Variants in CCDC14 observed in about 807,000 individuals in gnomAD.
CCDC14 encodes the protein coiled-coil domain-containing protein 14.
A neutral mutation model predicts 81.4 loss-of-function variants in CCDC14; 71 were observed. The ratio of observed to expected loss-of-function variants is 0.87; its 90% CI spans 0.72 to 1.06. The LOEUF is 1.06. Among genes scored for constraint, CCDC14 ranks in the 50% least tolerant of loss-of-function variants. The pLI is 0.00. For missense variants in CCDC14, 1,046 were observed against 1,047.3 expected, an observed-to-expected ratio of 1.00 and a Z score of 0.02; for synonymous variants, 332 against 364.8, an observed-to-expected ratio of 0.91 and a Z score of 1.03.
intron 12 of CCDC14, among the ~76,000 whole-genome samples, chr3:123,918,901 G>A (rs1252839490): frequency 2.0e-5 from 3 of 152,216 alleles, no homozygotes; most frequent in Non-Finnish European, 4.4e-5. Context: ...GTTGACAGGT[G>A]TGCCAGGGCC....
At chr3:123,910,087 T>C (rs979708887), downstream of CCDC14, among the ~76,000 whole-genome samples, 1 of 152,168 alleles carries the variant, frequency 6.6e-6, no homozygotes, top group Non-Finnish European at 1.5e-5. Flanking sequence ...AGACCACTTA[T>C]CTAGTTAGAA....
At chr3:123,912,294 C>G (rs949956016), downstream of CCDC14, among the ~76,000 whole-genome samples, 1 of 152,136 alleles carries the variant, frequency 6.6e-6, no homozygotes, top group Non-Finnish European at 1.5e-5. Flanking sequence ...GATCTGGGAC[C>G]AGCCTGACCC....
chr3:123,938,447 T>G (rs1427733302), intron 9 of CCDC14, among the ~76,000 whole-genome samples: 1 of 151,968 alleles, frequency 6.6e-6, no homozygotes, highest in Non-Finnish European at 1.5e-5. Context: ...ACAATTGATC[T>G]TGTATCCTGC....
At chr3:123,940,058 G>C (rs1023736606) in intron 9 of CCDC14, among the ~76,000 whole-genome samples, 2 of 151,392 alleles carry the variant, frequency 1.3e-5, no homozygotes, top group East Asian at 3.9e-4. Context: ...TTTTTTAAAG[G>C]GTTTAGGAAG....
downstream of CCDC14, among the ~76,000 whole-genome samples, chr3:123,909,212 C>G (rs2034387993): frequency 6.6e-6 from 1 of 152,056 alleles, no homozygotes; most frequent in Non-Finnish European, 1.5e-5. Context: ...TGTACCTTGG[C>G]CGTGTGCTCC....
Position 123,961,154 on chromosome 3 carries a change from C to G in CCDC14, c.20G>C (p.Arg7Pro). The change falls in exon 1 of 13, where the codon CGA (arginine) becomes CCA (proline). Residue 7 changes from arginine (R) to proline (P), a missense_variant. Physicochemically the swap from Arg to Pro is moderately radical, Grantham distance 103. Transcript: ENST00000409697. ...GTCCTCAGCCCTCACCTGGCCCGGT[C>G]GAGCTCCAGACCTGACCATCTCTCG... is the stretch of plus-strand genomic sequence containing the variant. MVRSGA[R>P]PGQVLSSGRH... The G allele has an allele frequency of 6.4e-7, 1 of 1,551,512 alleles. No individual in the cohort carries two copies. The highest frequency in any genetic ancestry group is 1.2e-5 in the South Asian group (1 of 84,036).
Position 123,956,061 on chromosome 3 carries a change from T to C in CCDC14, c.214A>G (p.Arg72Gly). ...AAAAAAAAACCTGAATCTTCATTTC[T>C]CAAAATGTCCCTCAGCAAAGAAGCA... is the stretch of plus-strand genomic sequence containing the variant. ...GCASLLRDIL[R>G]NEDSGSETAY... Residue 72 changes from arginine (R) to glycine (G), a missense_variant, in exon 4 of 13, where the codon AGA becomes GGA. Arg to Gly is a moderately radical substitution (Grantham distance 125). Coordinates refer to ENST00000409697, the MANE Select transcript of CCDC14 (RefSeq NM_001366335.1). 1 of 1,544,382 alleles carries C rather than the reference T, an allele frequency of 6.5e-7. No homozygotes were observed. Among genetic ancestry groups the C allele is most frequent in the Non-Finnish European group, 8.7e-7 (1 of 1,144,740 alleles).
At chr3:123,911,257 C>A (rs1364285760), downstream of CCDC14, among the ~76,000 whole-genome samples, 1 of 152,152 alleles carries the variant, frequency 6.6e-6, no homozygotes, top group Non-Finnish European at 1.5e-5. Context: ...TAGCTCAAGA[C>A]AACAGCTTTA....
downstream of CCDC14, among the ~76,000 whole-genome samples, chr3:123,894,916 C>A (rs1015839634): frequency 7.2e-5 from 11 of 152,272 alleles, no homozygotes; most frequent in Admixed American, 5.2e-4. Flanking sequence ...CTAGATTGTA[C>A]CAGTTCCCCT....
At chr3:123,954,424 C>G (rs565175881) in intron 5 of CCDC14, 36 of 152,282 alleles carry the variant, frequency 2.4e-4, no homozygotes, top group African/African-American at 8.2e-4. Flanking sequence ...CTAAACATTA[C>G]TTATAAAACT....
intron 12 of CCDC14, among the ~76,000 whole-genome samples, chr3:123,927,249 TAA>T (rs34679177): frequency 3.5e-4 from 44 of 124,264 alleles, no homozygotes; most frequent in Admixed American, 6.5e-4. Context: ...CTACTAAAAG[TAA>T]AAAAAAAAAA....
At chr3:123,923,314 T>G (rs1304305014) in intron 12 of CCDC14, among the ~76,000 whole-genome samples, 1 of 151,900 alleles carries the variant, frequency 6.6e-6, no homozygotes, top group African/African-American at 2.4e-5. Context: ...GACAAACCCA[T>G]AGTTAACATC....
chr3:123,952,660 A>G, intron 5 of CCDC14: 1 of 519,842 alleles, frequency 1.9e-6, no homozygotes, highest in Middle Eastern at 3.2e-4. Context: ...GATAGAAAGT[A>G]CATAAGGAGG....
chr3:123,893,670 AT>A (rs2034020908), downstream of CCDC14, among the ~76,000 whole-genome samples: 1 of 152,032 alleles, frequency 6.6e-6, no homozygotes, highest in Admixed American at 6.5e-5. Flanking sequence ...TGGCTGTACC[AT>A]TTTACATTCT....
chr3:123,914,905 C>G lies in CCDC14; in HGVS notation c.2592G>C (p.Trp864Cys), dbSNP rs1332517158. The change falls in exon 13 of 13, where the codon TGG becomes TGC. Residue 864 changes from tryptophan (W) to cysteine (C), a missense_variant. By Grantham distance (215) the Trp-to-Cys change is radical. Transcript: ENST00000409697. ...TGAACGTTGAAAACGAAGAGATGCTCCAGTCAGACATCAAGTCAGAAGTGA... is the reference window on the plus strand; with the variant it reads ...TGAACGTTGAAAACGAAGAGATGCTGCAGTCAGACATCAAGTCAGAAGTGA... ...SVFTSDLMSD[W>C]SISSFSTFTS... The G allele has an allele frequency of 6.2e-7, 1 of 1,613,978 alleles. No homozygotes were observed. Among genetic ancestry groups the G allele is most frequent in the South Asian group, 1.1e-5 (1 of 91,068 alleles).
At position 123,948,702 on chromosome 3, in the gene CCDC14, T is replaced by A. The variant is rs765369644; in HGVS notation, c.673A>T (p.Lys225Ter). The stretch of plus-strand genomic sequence containing the variant: ...AGAACTGTACGCACAGAATGAACCT[T>A]TGGAGGGCAGGGTGGCCGCTGAAGT... ...WSLQRPPCPP[K>*]VHSEVQTDGN... Residue 225 changes from lysine (K) to a stop codon, truncating the protein, a stop_gained, in exon 7 of 13, where the codon AAG becomes TAG. Coordinates refer to ENST00000409697, the MANE Select transcript of CCDC14 (RefSeq NM_001366335.1). LOFTEE classifies it high-confidence loss of function. The A allele has an allele frequency of 6.3e-7, 1 of 1,599,752 alleles. No individual in the cohort carries two copies.
intron 5 of CCDC14, among the ~76,000 whole-genome samples, chr3:123,906,158 T>A (rs2034303084): frequency 6.6e-6 from 1 of 151,780 alleles, no homozygotes. Flanking sequence ...TGAAACCCCA[T>A]CTCTACTAAA....
Position 123,914,226 on chromosome 3 carries a change from T to C in CCDC14, c.*553A>G, listed in dbSNP as rs1186777395. On this transcript the variant is annotated 3_prime_UTR_variant, in exon 13 of 13. Coordinates refer to ENST00000409697, the MANE Select transcript of CCDC14 (RefSeq NM_001366335.1). ...TTAACTTAGGATGTTATCTATATATTTTTTAGACCAATCAATGTTTTTTAA... is the reference window on the plus strand; with the variant it reads ...TTAACTTAGGATGTTATCTATATATCTTTTAGACCAATCAATGTTTTTTAA... 1 of 984,498 alleles carries C rather than the reference T, an allele frequency of 1.0e-6. No homozygotes were observed. Among genetic ancestry groups the C allele is most frequent in the Non-Finnish European group, 1.2e-6 (1 of 828,712 alleles). The allele number at this position is 984,498 out of a possible 1,614,324, so 61.0% of individuals were successfully genotyped here. A position where few individuals can be genotyped will look rare whatever the true frequency, so the allele number is the denominator to read the frequency against.
At chr3:123,899,373 C>T (rs1015960374) in intron 5 of CCDC14, among the ~76,000 whole-genome samples, 1 of 152,176 alleles carries the variant, frequency 6.6e-6, no homozygotes, top group Non-Finnish European at 1.5e-5. Context: ...CACCAGTGAT[C>T]CCCAAATGTA....
Sources: gnomAD v4.1 joint callset for allele counts (sites outside exome capture counted in the v4.1 genomes callset) on GRCh38, gnomAD v4.1.1 for gene constraint, MANE v1.5 for transcripts, NCBI Gene and HGNC (gene_info 2026-07-23, HGNC 2026-07-21) for gene names.